Variants in ATP10B observed in about 807,000 individuals in gnomAD.
The protein encoded by ATP10B is ATPase phospholipid transporting 10B (putative), also known as phospholipid-transporting ATPase VB.
ATP10B carries 122 observed loss-of-function variants against 141.2 expected under a neutral mutation model. That is an observed-to-expected ratio of 0.86 (90% CI 0.75 to 1.00). The LOEUF is 1.00. Among genes scored for constraint, ATP10B ranks in the 50% least tolerant of loss-of-function variants. The pLI is 0.00. For missense variants in ATP10B, 1,876 were observed against 1,825.3 expected (o/e 1.03, Z -0.51); for synonymous variants, 685 against 692.0 (o/e 0.99, Z 0.16).
intron 3 of ATP10B, among the ~76,000 whole-genome samples, chr5:160,700,122 G>A (rs767102313): frequency 3.3e-5 from 5 of 152,110 alleles, no homozygotes; most frequent in Non-Finnish European, 4.4e-5. Context: ...ATCAGAACCA[G>A]GGATGACTGG....
Position 160,716,930 on chromosome 5 carries a change from G to C in ATP10B, c.-226C>G, listed in dbSNP as rs1765699240. The C allele has an allele frequency of 1.0e-6, 1 of 985,414 alleles. No homozygotes were observed. The highest frequency in any genetic ancestry group is 1.7e-5 in the African/African-American group (1 of 57,350). The allele number at this position is 985,414 out of a possible 1,614,324, so 61.0% of individuals were successfully genotyped here. A position where few individuals can be genotyped will look rare whatever the true frequency, so the allele number is the denominator to read the frequency against. ...ATACCTGTTAGCGGAGTCCCTTTAA[G>C]GAGGTTAGACCAGTGACCTTTGCTG... On this transcript the variant is annotated 5_prime_UTR_variant, in exon 3 of 26. Transcript: ENST00000327245.
At chr5:160,889,112 A>G in the ATP10B span, among the ~76,000 whole-genome samples, 1 of 152,208 alleles carries the variant, frequency 6.6e-6, no homozygotes, top group East Asian at 1.9e-4. Flanking sequence ...ATAAGGTTTC[A>G]TGGTGAAATG....
intron 2 of ATP10B, among the ~76,000 whole-genome samples, chr5:160,751,200 CCT>C (rs1195861819): frequency 1.3e-5 from 2 of 152,182 alleles, no homozygotes; most frequent in African/African-American, 2.4e-5. Flanking sequence ...TTCCTTTCCT[CCT>C]CTCTCTGTTT....
At chr5:160,663,540 CA>C (rs1320032565) in intron 7 of ATP10B, among the ~76,000 whole-genome samples, 1 of 151,734 alleles carries the variant, frequency 6.6e-6, no homozygotes, top group Non-Finnish European at 1.5e-5. Flanking sequence ...ATCGCAAGGA[CA>C]AAAAACCAAA....
In ATP10B at chr5:160,685,163, C is replaced by A. The variant is rs189064480; in HGVS notation, c.470+916G>T. 1.9e-5 allele frequency: 13 copies of A among 678,164 alleles called. No homozygotes were observed. In the East Asian group the frequency reaches 3.3e-4, roughly 17 times the overall value. 42.0% of individuals were successfully genotyped at this position (678,164 alleles called of 1,614,324 possible). On this transcript the variant is annotated intron_variant, in intron 6 of 25. Coordinates refer to ENST00000327245, the MANE Select transcript of ATP10B (RefSeq NM_025153.3). ...CATCCTTCAAAGAGCAAGTTAGAGA[C>A]CACTACTCGCTTCTTGTCTTCTTTT...
At chr5:160,850,243 T>TAAAAAAC (rs1185786379) in intron 1 of ATP10B, among the ~76,000 whole-genome samples, 3 of 151,976 alleles carry the variant, frequency 2.0e-5, no homozygotes, top group East Asian at 1.9e-4. Context: ...CCGTCTCTAC[T>TAAAAAAC]AAAAAACAAA....
intron 13 of ATP10B, among the ~76,000 whole-genome samples, chr5:160,624,221 T>C (rs1758497794): frequency 6.6e-6 from 1 of 152,060 alleles, no homozygotes. Context: ...AAAAAACCCA[T>C]GGGAAAAGAG....
At position 160,565,572 on chromosome 5, in the gene ATP10B, A is replaced by T; in HGVS notation, c.4267T>A (p.Ser1423Thr). 1 of 1,614,038 alleles carries T rather than the reference A, an allele frequency of 6.2e-7. No individual in the cohort carries two copies. The part of the protein sequence containing the change: ...CSGDSSAQLS[S>T]GEHLLGPNRI... ...TTAGGTCCCAGCAGGTGCTCCCCGG[A>T]TGAGAGTTGAGCTGAGGAGTCCCCT... Residue 1423 changes from serine to threonine, a missense_variant, in exon 26 of 26, where the codon TCC (serine) becomes ACC (threonine). Ser to Thr is a moderately conservative substitution (Grantham distance 58). Transcript: ENST00000327245.
chr5:160,929,303 G>A, the ATP10B span, among the ~76,000 whole-genome samples: 1 of 152,264 alleles, frequency 6.6e-6, no homozygotes, highest in Admixed American at 6.5e-5. Flanking sequence ...TGGGACACTA[G>A]GGAGAAAGAC....
chr5:160,925,417 TGTA>T, the ATP10B span, among the ~76,000 whole-genome samples: 1 of 152,248 alleles, frequency 6.6e-6, no homozygotes, highest in Non-Finnish European at 1.5e-5. Context: ...CACCCCCGTT[TGTA>T]GACGGGGAAA....
intron 2 of ATP10B, among the ~76,000 whole-genome samples, chr5:160,752,873 G>A (rs1161425299): frequency 6.6e-6 from 1 of 152,182 alleles, no homozygotes; most frequent in Non-Finnish European, 1.5e-5. Flanking sequence ...CAGCTGTAGG[G>A]ATCATGGGGT....
At chr5:160,755,881 TA>T (rs1768564518) in intron 2 of ATP10B, among the ~76,000 whole-genome samples, 5 of 123,136 alleles carry the variant, frequency 4.1e-5, no homozygotes, top group African/African-American at 1.5e-4. Flanking sequence ...ATATATATTA[TA>T]ATTTTATGGA....
intron 13 of ATP10B, among the ~76,000 whole-genome samples, chr5:160,630,418 G>A (rs182469219): frequency 6.6e-6 from 1 of 152,290 alleles, no homozygotes; most frequent in Admixed American, 6.5e-5. Flanking sequence ...TGAACAAGGG[G>A]CAGTGAATTG....
rs1305146319 is a variant in ATP10B, at chr5:160,650,104, CA to C, written c.676-849del. On this transcript the variant is annotated intron_variant, in intron 7 of 25. Transcript: ENST00000327245. ...AGCCTGGCAGAGCAAGACTCTGTCT[CA>C]AAAAAAAAAATTTTATATATATATA... Among the ~76,000 whole-genome samples, 64 of 137,214 alleles carry C rather than the reference CA, an allele frequency of 4.7e-4. 1 individual carries two copies. Among genetic ancestry groups the C allele is most frequent in the South Asian group, 6.8e-4 (3 of 4,426 alleles). 90.0% of individuals were successfully genotyped at this position (137,214 alleles called of 152,430 possible).
At chr5:160,881,104 G>A in the ATP10B span, among the ~76,000 whole-genome samples, 3 of 152,146 alleles carry the variant, frequency 2.0e-5, no homozygotes, top group Non-Finnish European at 4.4e-5. Context: ...AAGCAAGCAA[G>A]CCATTTAACA....
intron 1 of ATP10B, among the ~76,000 whole-genome samples, chr5:160,837,151 T>C (rs894484643): frequency 6.6e-6 from 1 of 152,126 alleles, no homozygotes; most frequent in Non-Finnish European, 1.5e-5. Flanking sequence ...CACTACAAAT[T>C]GTTTGGTTAT....
intron 1 of ATP10B, among the ~76,000 whole-genome samples, chr5:160,803,723 G>T (rs1311379312): frequency 6.6e-6 from 1 of 152,124 alleles, no homozygotes; most frequent in Non-Finnish European, 1.5e-5. Context: ...AGGTCACATA[G>T]CTTGTACTTG....
intron 13 of ATP10B, among the ~76,000 whole-genome samples, chr5:160,625,374 T>C (rs998736512): frequency 1.3e-5 from 2 of 152,194 alleles, no homozygotes; most frequent in African/African-American, 4.8e-5. Context: ...ATGAGAGTGA[T>C]AAAAGGGATT....
chr5:160,737,642 A>T (rs1239309579), intron 2 of ATP10B, among the ~76,000 whole-genome samples: 1 of 152,180 alleles, frequency 6.6e-6, no homozygotes, highest in Non-Finnish European at 1.5e-5. Flanking sequence ...AATCCTATTT[A>T]TAATAGCCAC....
Sources: allele counts gnomAD v4.1 joint callset (sites outside exome capture counted in the v4.1 genomes callset), GRCh38; gene constraint gnomAD v4.1.1; transcripts MANE v1.5; gene names NCBI Gene and HGNC (gene_info 2026-07-23, HGNC 2026-07-21).